Variants in ADARB2 observed in about 807,000 individuals in gnomAD.
ADARB2 encodes inactive double-stranded RNA-specific editase B2.
Under a neutral mutation model 62.2 loss-of-function variants are expected in ADARB2, and 25 were observed. The ratio of observed to expected loss-of-function variants is 0.40; its 90% CI spans 0.29 to 0.56. The LOEUF (loss-of-function observed/expected upper bound fraction) is 0.56, where lower values mean the gene tolerates loss of function less well. ADARB2 is among the 20% of genes least tolerant of loss of function. ADARB2 has a pLI of 0.43. For missense variants in ADARB2, 1,071 were observed against 1,077.4 expected (o/e 0.99, Z 0.08); for synonymous variants, 572 against 500.8 (o/e 1.14, Z -1.90).
At chr10:1,683,949 G>A (rs532502565) in intron 1 of ADARB2, among the ~76,000 whole-genome samples, 1 of 152,318 alleles carries the variant, frequency 6.6e-6, no homozygotes, top group African/African-American at 2.4e-5. Flanking sequence ...TGTGCAAAGG[G>A]TGGCTCCGGT....
chr10:1,669,549 CAGAG>C (rs898175070), intron 1 of ADARB2, among the ~76,000 whole-genome samples: 3 of 151,452 alleles, frequency 2.0e-5, no homozygotes, highest in Non-Finnish European at 4.4e-5. Flanking sequence ...CAGGCACACT[CAGAG>C]AGACACACAC....
At chr10:1,724,743 T>A (rs572729249) in intron 1 of ADARB2, among the ~76,000 whole-genome samples, 20 of 152,312 alleles carry the variant, frequency 1.3e-4, no homozygotes, top group Non-Finnish European at 2.9e-4. Context: ...TGGGGGACCC[T>A]AGCCACGTCT....
At chr10:1,315,493 T>G (rs1185947872) in intron 3 of ADARB2, among the ~76,000 whole-genome samples, 1 of 152,236 alleles carries the variant, frequency 6.6e-6, no homozygotes, top group East Asian at 1.9e-4. Context: ...ACATTTGATT[T>G]ATAGCTTTAG....
At chr10:1,618,386 A>G (rs1352433657) in intron 1 of ADARB2, among the ~76,000 whole-genome samples, 1 of 152,206 alleles carries the variant, frequency 6.6e-6, no homozygotes, top group Non-Finnish European at 1.5e-5. Context: ...TAATGCTTCA[A>G]ACTTAAGATG....
chr10:1,262,863 A>G (rs965986882), intron 4 of ADARB2, among the ~76,000 whole-genome samples: 9 of 152,184 alleles, frequency 5.9e-5, no homozygotes, highest in Non-Finnish European at 5.9e-5. Flanking sequence ...TCACAATAGC[A>G]AAGACTTGGA....
rs187857562 is a variant in ADARB2 at position 1,578,851 on chromosome 10, C to T, written c.100+158200G>A. Among the ~76,000 whole-genome samples the T allele has an allele frequency of 5.9e-3, 904 of 152,296 alleles. 38 individuals are homozygous for T. The highest frequency in any genetic ancestry group is 0.052 in the Admixed American group (794 of 15,296). ...CACCTACAAACACCACCAGCACCCA[C>T]AGGCCCACACTCATGCATTCTCCCT... is the stretch of plus-strand genomic sequence containing the variant. On this transcript the variant is annotated intron_variant, in intron 1 of 9. Transcript: ENST00000381312.
At chr10:1,209,349 ATGCCT>A (rs1837112196) in intron 7 of ADARB2, among the ~76,000 whole-genome samples, 1 of 135,544 alleles carries the variant, frequency 7.4e-6, no homozygotes, top group African/African-American at 2.8e-5. Context: ...ACCCATGCCC[ATGCCT>A]ACACCGTCAC....
Position 1,327,488 on chromosome 10 carries a change from A to C in ADARB2, c.1077+35540T>G, listed in dbSNP as rs1219950257. 2.2e-3 allele frequency among the ~76,000 whole-genome samples: 105 copies of C among 47,104 alleles called. 3 individuals carry two copies. Among genetic ancestry groups the C allele is most frequent in the African/African-American group, 4.4e-3 (43 of 9,704 alleles). The allele number at this position is 47,104 out of a possible 152,430, so 30.9% of individuals were successfully genotyped here. ...TCACTGCACAGCGCCTCCTCACTGC[A>C]CAGCGCCTCCTCACTGCCCAGCGCC... On this transcript the variant is annotated intron_variant, in intron 3 of 9. Transcript: ENST00000381312.
intron 1 of ADARB2, among the ~76,000 whole-genome samples, chr10:1,400,792 G>C (rs925523360): frequency 6.6e-6 from 1 of 152,178 alleles, no homozygotes; most frequent in South Asian, 2.1e-4. Flanking sequence ...TTTGTAAAAA[G>C]GCGTGGCATG....
intron 1 of ADARB2, among the ~76,000 whole-genome samples, chr10:1,506,612 T>C (rs1264261022): frequency 1.3e-5 from 2 of 152,242 alleles, no homozygotes; most frequent in East Asian, 3.8e-4. Flanking sequence ...CGACCCACTG[T>C]GCAGGGTCTC....
intron 3 of ADARB2, among the ~76,000 whole-genome samples, chr10:1,301,976 T>G (rs886389994): frequency 6.6e-6 from 1 of 152,192 alleles, no homozygotes; most frequent in African/African-American, 2.4e-5. Flanking sequence ...TGTTGTGCAC[T>G]GCATGGGTTT....
At position 1,234,737 on chromosome 10, in the gene ADARB2, CTTTTTTTTTTTTT is replaced by C. The variant is rs71376899; in HGVS notation, c.1362-905_1362-893del. ...GATTACAGGTGCGAGCGACCATGAT[CTTTTTTTTTTTTT>C]TTTTTTTTTTTTTTTTTTGTGACGG... On this transcript the variant is annotated intron_variant, in intron 5 of 9. Coordinates refer to ENST00000381312, the MANE Select transcript of ADARB2 (RefSeq NM_018702.4). Among the ~76,000 whole-genome samples, 118 of 53,636 alleles carry C rather than the reference CTTTTTTTTTTTTT, an allele frequency of 2.2e-3. 1 individual carries two copies. The highest frequency in any genetic ancestry group is 5.0e-3 in the South Asian group (5 of 1,004). 35.2% of individuals were successfully genotyped at this position (53,636 alleles called of 152,430 possible). A position where few individuals can be genotyped will look rare whatever the true frequency, so the allele number is the denominator to read the frequency against.
intron 1 of ADARB2, among the ~76,000 whole-genome samples, chr10:1,673,004 G>C (rs575924311): frequency 6.6e-6 from 1 of 152,154 alleles, no homozygotes; most frequent in Non-Finnish European, 1.5e-5. Flanking sequence ...CCAACAGCCC[G>C]GAGGGGACCA....
chr10:1,710,718 C>A (rs11250756), intron 1 of ADARB2, among the ~76,000 whole-genome samples: 21,081 of 152,260 alleles, frequency 0.14, 1,715 homozygotes, highest in Admixed American at 0.22. Context: ...TGACTGTGAG[C>A]TCCCGCAGAC....
At chr10:1,564,356 A>C (rs2131988177) in intron 1 of ADARB2, among the ~76,000 whole-genome samples, 1 of 152,360 alleles carries the variant, frequency 6.6e-6, no homozygotes, top group Middle Eastern at 3.4e-3. Context: ...ATGGGCAAGG[A>C]CTTCATGTCT....
intron 1 of ADARB2, among the ~76,000 whole-genome samples, chr10:1,726,718 A>G (rs986667133): frequency 6.6e-6 from 1 of 152,222 alleles, no homozygotes; most frequent in African/African-American, 2.4e-5. Context: ...GGCCCTGGGC[A>G]GTGCCTGGCT....
chr10:1,638,589 A>G (rs1196165600), intron 1 of ADARB2, among the ~76,000 whole-genome samples: 1 of 152,088 alleles, frequency 6.6e-6, no homozygotes, highest in Non-Finnish European at 1.5e-5. Context: ...CTAGCCAGAC[A>G]TCGTTCTCTG....
At chr10:1,490,283 T>C (rs1320567379) in intron 1 of ADARB2, among the ~76,000 whole-genome samples, 2 of 152,154 alleles carry the variant, frequency 1.3e-5, no homozygotes, top group Non-Finnish European at 2.9e-5. Flanking sequence ...GGCAATAGTA[T>C]ACTATAGATT....
chr10:1,228,666 T>G lies in ADARB2; in HGVS notation c.1513+5028A>C, dbSNP rs994516990. 2.0e-5 allele frequency among the ~76,000 whole-genome samples: 3 copies of G among 152,238 alleles called. No individual in the cohort carries two copies. The East Asian group carries it at 5.8e-4, about 29-fold the overall frequency. The stretch of plus-strand genomic sequence containing the variant: ...TCGCTTGAGATGAATGGAGTAGCCC[T>G]GGGTCACATGACATTGAAGACTGAG... On this transcript the variant is annotated intron_variant, in intron 6 of 9. Transcript: ENST00000381312.
Sources: gnomAD v4.1 joint callset for allele counts (sites outside exome capture counted in the v4.1 genomes callset) on GRCh38, gnomAD v4.1.1 for gene constraint, MANE v1.5 for transcripts, NCBI Gene and HGNC (gene_info 2026-07-23, HGNC 2026-07-21) for gene names.